The following DNAH14 variants were observed in gnomAD, a reference collection of about 807,000 sequenced individuals.
DNAH14 encodes axonemal beta dynein heavy chain 14.
Under a neutral mutation model 520.9 loss-of-function variants are expected in DNAH14, and 478 were observed. That is an observed-to-expected ratio of 0.92 (90% CI 0.85 to 0.99). DNAH14 has a LOEUF of 0.99. Ranked by LOEUF, DNAH14 falls within the 50% of genes least tolerant of loss-of-function variation. The pLI is 0.00. For synonymous variants in DNAH14, 1,581 were observed against 1,757.2 expected (o/e 0.90, Z 2.51); for missense variants, 4,831 against 5,234.5 (o/e 0.92, Z 2.38).
At position 225,141,039 on chromosome 1, in the gene DNAH14, A is replaced by G. The variant is rs1205918098; in HGVS notation, c.4508+18A>G. ...TGGACAAGGTAGGTGGATCTAAATT[A>G]TAACTACATACAATAACTTCTCCCA... On this transcript the variant is annotated intron_variant, in intron 28 of 85. Transcript: ENST00000682510. 4 of 1,518,256 alleles carry G rather than the reference A, an allele frequency of 2.6e-6. No homozygotes were observed. Among genetic ancestry groups the G allele is most frequent in the Admixed American group, 2.1e-5 (1 of 48,058 alleles). The allele number at this position is 1,518,256 out of a possible 1,614,324, so 94.0% of individuals were successfully genotyped here.
chr1:225,301,508 T>C (rs2094138917), intron 56 of DNAH14, among the ~76,000 whole-genome samples: 1 of 152,176 alleles, frequency 6.6e-6, no homozygotes, highest in Admixed American at 6.5e-5. Context: ...CAGAATGAAC[T>C]CAGCAGCAGA....
intron 74 of DNAH14, among the ~76,000 whole-genome samples, 184 bp downstream of exon 74, chr1:225,358,836 G>A (rs982706338): frequency 1.3e-5 from 2 of 152,178 alleles, no homozygotes; most frequent in African/African-American, 4.8e-5. Flanking sequence ...AGTCTCTTGA[G>A]ATCTGATGAT....
intron 84 of DNAH14, among the ~76,000 whole-genome samples, chr1:225,394,199 A>C (rs1044972282): frequency 6.6e-6 from 1 of 152,150 alleles, no homozygotes. Context: ...ATGATTATTG[A>C]TATTTGGATT....
At position 225,002,813 on chromosome 1, in the gene DNAH14, T is replaced by G. The variant is rs1256058598; in HGVS notation, c.861T>G (p.Ala287=). ...TTTTGTACCACCATCTTTTTTTGGCTGATGACTTGTTTCAAACCTGTTTGG... is the reference window on the plus strand; with the variant it reads ...TTTTGTACCACCATCTTTTTTTGGCGGATGACTTGTTTCAAACCTGTTTGG... The part of the protein sequence containing the change: ...RSFLYHHLFL[A]DDLFQTCLVY... Residue 287 remains alanine, a synonymous_variant, in exon 9 of 86, where the codon GCT becomes GCG. Coordinates refer to ENST00000682510, the MANE Select transcript of DNAH14 (RefSeq NM_001367479.1). The G allele has an allele frequency of 1.3e-6, 2 of 1,549,580 alleles. No individual in the cohort carries two copies. Among genetic ancestry groups the G allele is most frequent in the Non-Finnish European group, 1.7e-6 (2 of 1,145,878 alleles).
rs145641213 is a variant in DNAH14, at chr1:225,145,023, T to C, written c.4741-303T>C. Among the ~76,000 whole-genome samples the C allele has an allele frequency of 3.0e-3, 457 of 152,166 alleles. 2 individuals are homozygous for C. Among genetic ancestry groups the C allele is most frequent in the African/African-American group, 0.01 (427 of 41,532 alleles). ...AGAGAAAGACAGAGAAAAGCAGTAG[T>C]AGTTACTGATGAAAGCAAAGGATAT... On this transcript the variant is annotated intron_variant, in intron 29 of 85. Coordinates refer to ENST00000682510, the MANE Select transcript of DNAH14 (RefSeq NM_001367479.1).
intron 54 of DNAH14, among the ~76,000 whole-genome samples, chr1:225,282,312 C>T (rs993855833): frequency 6.6e-6 from 1 of 152,180 alleles, no homozygotes. Flanking sequence ...GGCCCCCAGC[C>T]ATCAGGCCTG....
At chr1:225,003,048 C>A in intron 9 of DNAH14, 121 bp downstream of exon 9, 1 of 880,394 alleles carries the variant, frequency 1.1e-6, no homozygotes, top group Non-Finnish European at 1.6e-6. Context: ...CTTTCGATTA[C>A]TACCGTTCTA....
chr1:225,247,931 A>G (rs2092378242), intron 43 of DNAH14, among the ~76,000 whole-genome samples: 1 of 152,154 alleles, frequency 6.6e-6, no homozygotes, highest in Non-Finnish European at 1.5e-5. Flanking sequence ...AGGCAGGAGA[A>G]TGGCGTGAAC....
chr1:225,266,629 G>C lies in DNAH14; in HGVS notation c.7411-12G>C, dbSNP rs1348294980. 7.5e-6 allele frequency: 11 copies of C among 1,465,190 alleles called. No homozygotes were observed. Among genetic ancestry groups the C allele is most frequent in the Non-Finnish European group, 9.9e-6 (11 of 1,111,274 alleles). 90.8% of individuals were successfully genotyped at this position (1,465,190 alleles called of 1,614,324 possible). On this transcript the variant is annotated splice_polypyrimidine_tract_variant and intron_variant, in intron 48 of 85. Coordinates refer to ENST00000682510, the MANE Select transcript of DNAH14 (RefSeq NM_001367479.1). ...CTAATATATATGTTTAAAACCTTTT[G>C]TCTTTCTTAAGATTCTAATATTTAT...
chr1:225,234,373 A>G (rs1227806133), intron 42 of DNAH14, among the ~76,000 whole-genome samples: 2 of 152,162 alleles, frequency 1.3e-5, no homozygotes, highest in Non-Finnish European at 2.9e-5. Flanking sequence ...TATTTTTAGT[A>G]GAGATGTGGT....
chr1:224,940,104 T>G (rs1455443598), intron 1 of DNAH14, among the ~76,000 whole-genome samples: 1 of 152,206 alleles, frequency 6.6e-6, no homozygotes. Context: ...TGGGCTGAAG[T>G]GAAGAAAGCT....
intron 23 of DNAH14, among the ~76,000 whole-genome samples, chr1:225,108,945 T>C (rs758311972): frequency 5.9e-5 from 9 of 152,322 alleles, no homozygotes; most frequent in Middle Eastern, 3.4e-3. Flanking sequence ...ATATCCAATT[T>C]TTCCTGCATC....
chr1:225,107,134 G>C (rs988986704), intron 23 of DNAH14, among the ~76,000 whole-genome samples: 3 of 152,194 alleles, frequency 2.0e-5, no homozygotes, highest in African/African-American at 7.2e-5. Context: ...GAGTTTGCCG[G>C]AGGTCCACTC....
Position 225,204,816 on chromosome 1 carries a change from A to G in DNAH14, c.5977+543A>G, listed in dbSNP as rs79612632. On this transcript the variant is annotated intron_variant, in intron 39 of 85. Coordinates refer to ENST00000682510, the MANE Select transcript of DNAH14 (RefSeq NM_001367479.1). ...TGCACCTCATGTCAACACATCCACC[A>G]TTAGTACATATATGATCCAGACTTT... Among the ~76,000 whole-genome samples, 765 of 152,302 alleles carry G rather than the reference A, an allele frequency of 5.0e-3. 3 individuals carry two copies. The highest frequency in any genetic ancestry group is 8.5e-3 in the Non-Finnish European group (579 of 68,022).
chr1:225,200,432 G>C (rs2086676338), intron 38 of DNAH14, among the ~76,000 whole-genome samples: 1 of 151,886 alleles, frequency 6.6e-6, no homozygotes, highest in Non-Finnish European at 1.5e-5. Context: ...ATTTTTTATA[G>C]GTCCTGTGAG....
rs548742655 is a variant in DNAH14 at position 225,258,161 on chromosome 1, A to G, written c.7024+43A>G. The G allele has an allele frequency of 1.1e-4, 156 of 1,422,930 alleles. No homozygotes were observed. In the East Asian group the frequency reaches 2.7e-3, roughly 25 times the overall value. The allele number at this position is 1,422,930 out of a possible 1,614,324, so 88.1% of individuals were successfully genotyped here. ...TAGAAGGAGAATTTCAGAGTTAGAAAAAGATTTACAGATATTTGGTCTAAC... is the reference window on the plus strand; with the variant it reads ...TAGAAGGAGAATTTCAGAGTTAGAAGAAGATTTACAGATATTTGGTCTAAC... On this transcript the variant is annotated intron_variant, in intron 45 of 85. Coordinates refer to ENST00000682510, the MANE Select transcript of DNAH14 (RefSeq NM_001367479.1).
At chr1:225,363,244 G>A (rs2095513645) in intron 75 of DNAH14, among the ~76,000 whole-genome samples, 1 of 152,076 alleles carries the variant, frequency 6.6e-6, no homozygotes, top group African/African-American at 2.4e-5. Context: ...ATAGTTCAGT[G>A]TTCATTGTTG....
At position 225,353,940 on chromosome 1, in the gene DNAH14, A is replaced by G. The variant is rs149703085; in HGVS notation, c.11619+52A>G. 3,723 of 1,054,638 alleles carry G rather than the reference A, an allele frequency of 3.5e-3. 9 individuals carry two copies. Among genetic ancestry groups the G allele is most frequent in the Non-Finnish European group, 4.6e-3 (3,267 of 716,148 alleles). 65.3% of individuals were successfully genotyped at this position (1,054,638 alleles called of 1,614,324 possible). ...ATATTCTAAATATTTTGAGTGCTTT[A>G]TTAGTAACTTAAACCCTTCAAAATT... is the stretch of plus-strand genomic sequence containing the variant. On this transcript the variant is annotated intron_variant, in intron 73 of 85. Coordinates refer to ENST00000682510, the MANE Select transcript of DNAH14 (RefSeq NM_001367479.1).
chr1:225,137,407 G>A (rs1393916847), intron 27 of DNAH14, among the ~76,000 whole-genome samples: 1 of 152,138 alleles, frequency 6.6e-6, no homozygotes, highest in Non-Finnish European at 1.5e-5. Context: ...CCAGGCTTGA[G>A]TGCAGTGGTG....
Sources: allele counts gnomAD v4.1 joint callset (sites outside exome capture counted in the v4.1 genomes callset), GRCh38; gene constraint gnomAD v4.1.1; transcripts MANE v1.5; gene names NCBI Gene and HGNC (gene_info 2026-07-23, HGNC 2026-07-21).